The following EPHA4 variants were observed in gnomAD, a reference collection of about 807,000 sequenced individuals.
EPHA4 encodes EPH receptor A4, also known as ephrin type-A receptor 4.
EPHA4 carries 19 observed loss-of-function variants against 108.3 expected under a neutral mutation model. The observed-to-expected ratio is 0.18, with a 90% CI of 0.12 to 0.26. The LOEUF is 0.26. EPHA4 is among the 10% of genes least tolerant of loss of function. The pLI is 1.00. For missense variants in EPHA4, 917 were observed against 1,254.0 expected (o/e 0.73, Z 4.06); for synonymous variants, 449 against 455.5 (o/e 0.99, Z 0.18).
intron 5 of EPHA4, among the ~76,000 whole-genome samples, chr2:221,459,930 G>T (rs543916060): frequency 1.8e-4 from 27 of 152,282 alleles, no homozygotes; most frequent in African/African-American, 6.0e-4. Context: ...CCTTGAGAAA[G>T]AATTGCCTGC....
chr2:221,452,508 G>A (rs906325121), intron 8 of EPHA4, among the ~76,000 whole-genome samples: 5 of 152,216 alleles, frequency 3.3e-5, no homozygotes, highest in African/African-American at 7.2e-5. Context: ...GACAACCTGC[G>A]TGAGGAGAAG....
At chr2:221,522,775 T>C (rs918764172) in intron 3 of EPHA4, among the ~76,000 whole-genome samples, 5 of 130,222 alleles carry the variant, frequency 3.8e-5, no homozygotes, top group Non-Finnish European at 6.8e-5. Context: ...TTATTATTAT[T>C]TTTTTGAGAC....
Position 221,443,540 on chromosome 2 carries a change from T to C in EPHA4, c.1841A>G (p.Lys614Arg), listed in dbSNP as rs1479077799. ...DPNQAVREFA[K>R]EIDASCIKIE... ...CTTAATGCAGGATGCGTCAATTTCT[T>C]TGGCAAACTCTCGCACTGCTTGGTT... is the stretch of plus-strand genomic sequence containing the variant. Residue 614 changes from lysine (K) to arginine (R), a missense_variant, in exon 10 of 18, where the codon AAA becomes AGA. By Grantham distance (26) the Lys-to-Arg change is conservative. Transcript: ENST00000281821. 2 of 1,613,980 alleles carry C rather than the reference T, an allele frequency of 1.2e-6. No individual in the cohort carries two copies. The highest frequency in any genetic ancestry group is 1.3e-5 in the African/African-American group (1 of 75,004).
intron 3 of EPHA4, among the ~76,000 whole-genome samples, chr2:221,552,300 C>T (rs1694184676): frequency 6.6e-6 from 1 of 152,228 alleles, no homozygotes; most frequent in Non-Finnish European, 1.5e-5. Flanking sequence ...TGTCACCCAA[C>T]ACTTTTCTTC....
intron 8 of EPHA4, among the ~76,000 whole-genome samples, chr2:221,452,542 G>A (rs968385825): frequency 2.0e-5 from 3 of 152,126 alleles, no homozygotes; most frequent in Admixed American, 6.5e-5. Flanking sequence ...TGCATGAGCC[G>A]CTGCAAGCCT....
At chr2:221,572,448 G>C (rs1165908811), upstream of EPHA4, 1 of 423,376 alleles carries the variant, frequency 2.4e-6, no homozygotes, top group East Asian at 4.1e-5. Flanking sequence ...GCCCGCCCCA[G>C]GGTTCCGCCC....
chr2:221,555,729 C>G (rs1399047876), intron 3 of EPHA4, among the ~76,000 whole-genome samples: 1 of 152,098 alleles, frequency 6.6e-6, no homozygotes, highest in African/African-American at 2.4e-5. Context: ...ACAGCTGAGG[C>G]CTTCTTTAAT....
At position 221,426,085 on chromosome 2, in the gene EPHA4, A is replaced by T. The variant is rs376541020; in HGVS notation, c.2904T>A (p.Ser968Arg). 1 of 1,614,120 alleles carries T rather than the reference A, an allele frequency of 6.2e-7. No individual in the cohort carries two copies. Among genetic ancestry groups the T allele is most frequent in the Non-Finnish European group, 8.5e-7 (1 of 1,180,024 alleles). The change falls in exon 17 of 18, where the codon AGT becomes AGA. Residue 968 changes from serine to arginine, a missense_variant. Coordinates refer to ENST00000281821, the MANE Select transcript of EPHA4 (RefSeq NM_004438.5). Reference protein sequence around the residue: ...AITHQNKILSSVQAMRTQMQQ... With the variant: ...AITHQNKILSRVQAMRTQMQQ... ...GCATTTGGGTTCGCATTGCCTGGACACTGCTCAAAATCTTATTCTGGTGCG... is the reference window on the plus strand; with the variant it reads ...GCATTTGGGTTCGCATTGCCTGGACTCTGCTCAAAATCTTATTCTGGTGCG...
chr2:221,505,846 C>G (rs1692614831), intron 3 of EPHA4, among the ~76,000 whole-genome samples: 1 of 152,146 alleles, frequency 6.6e-6, no homozygotes, highest in Non-Finnish European at 1.5e-5. Context: ...TACCCTGAAC[C>G]TACTTAGAAG....
At chr2:221,529,310 A>G (rs937643912) in intron 3 of EPHA4, among the ~76,000 whole-genome samples, 25 of 152,178 alleles carry the variant, frequency 1.6e-4, no homozygotes, top group African/African-American at 5.3e-4. Context: ...GGAAGGCTGG[A>G]GAGGCTGGGA....
At chr2:221,520,184 A>C (rs1255830601) in intron 3 of EPHA4, among the ~76,000 whole-genome samples, 1 of 152,166 alleles carries the variant, frequency 6.6e-6, no homozygotes, top group Non-Finnish European at 1.5e-5. Flanking sequence ...AAAGCCTCTC[A>C]TAGCCAGCCC....
At position 221,443,474 on chromosome 2, in the gene EPHA4, C is replaced by T. The variant is rs369438779; in HGVS notation, c.1888+19G>A. 55 of 1,562,978 alleles carry T rather than the reference C, an allele frequency of 3.5e-5. No homozygotes were observed. Among genetic ancestry groups the T allele is most frequent in the African/African-American group, 9.5e-5 (7 of 73,742 alleles). On this transcript the variant is annotated intron_variant, in intron 10 of 17. Transcript: ENST00000281821. Reference sequence around the variant, plus strand: ...CCAAGAAAACAGACTCATTAGCAGACGGACACTCAGACACTTACCAACTCC... The same window carrying T: ...CCAAGAAAACAGACTCATTAGCAGATGGACACTCAGACACTTACCAACTCC...
At chr2:221,520,827 A>T (rs1693145339) in intron 3 of EPHA4, among the ~76,000 whole-genome samples, 1 of 152,204 alleles carries the variant, frequency 6.6e-6, no homozygotes, top group African/African-American at 2.4e-5. Context: ...TAACATCGTA[A>T]GAGTTTCATG....
chr2:221,572,332 A>C (rs890855688), upstream of EPHA4: 4 of 1,279,740 alleles, frequency 3.1e-6, no homozygotes, highest in South Asian at 3.8e-5. Flanking sequence ...GGCTGAAGAC[A>C]TTGCCAAGGG....
At chr2:221,442,575 T>A (rs3815971) in intron 11 of EPHA4, among the ~76,000 whole-genome samples, 38,384 of 152,140 alleles carry the variant, frequency 0.25, 5,004 homozygotes, top group African/African-American at 0.31. Flanking sequence ...ATCTGAAGGA[T>A]GGCATGGCAT....
At chr2:221,573,756 A>C (rs1048348755), upstream of EPHA4, 3 of 152,208 alleles carry the variant, frequency 2.0e-5, no homozygotes, top group African/African-American at 7.2e-5. This position sits in a 1 kb window ranked among gnomAD's most constrained non-coding sequence, Gnocchi z 4.5. Context: ...CAAAGACCGC[A>C]ACCCGCAATC....
chr2:221,430,058 C>T lies in EPHA4; in HGVS notation c.2590G>A (p.Glu864Lys). 6.2e-7 allele frequency: 1 copy of T among 1,614,120 alleles called. No homozygotes were observed. Among genetic ancestry groups the T allele is most frequent in the Non-Finnish European group, 8.5e-7 (1 of 1,180,038 alleles). ...HQLMLDCWQK[E>K]RSDRPKFGQI... ...CCAAATTTAGGCCTGTCGCTCCTCT[C>T]CTTCTGCCAGCAGTCTAGCATCAGC... The change falls in exon 15 of 18, where the codon GAG becomes AAG. Residue 864 changes from glutamate (E) to lysine (K), a missense_variant. By Grantham distance (56) the Glu-to-Lys change is moderately conservative (BLOSUM62 1). Coordinates refer to ENST00000281821, the MANE Select transcript of EPHA4 (RefSeq NM_004438.5).
intron 11 of EPHA4, among the ~76,000 whole-genome samples, chr2:221,439,874 TAA>T (rs1415756908): frequency 1.3e-5 from 2 of 152,134 alleles, no homozygotes; most frequent in Non-Finnish European, 2.9e-5. Flanking sequence ...CCTGCCAATT[TAA>T]AAAGTTACTC....
At chr2:221,523,299 T>G (rs1693229879) in intron 3 of EPHA4, among the ~76,000 whole-genome samples, 2 of 152,130 alleles carry the variant, frequency 1.3e-5, no homozygotes. Context: ...ATAATTTTTT[T>G]TTTTTGAGAC....
Sources: allele counts gnomAD v4.1 joint callset (sites outside exome capture counted in the v4.1 genomes callset), GRCh38; gene constraint gnomAD v4.1.1; non-coding constraint Gnocchi (gnomAD v3.1); transcripts MANE v1.5; gene names NCBI Gene and HGNC (gene_info 2026-07-23, HGNC 2026-07-21).